Variants in BEND2 observed in about 807,000 individuals in gnomAD.
BEND2 encodes the protein BEN domain-containing protein 2.
BEND2 carries 19 observed loss-of-function variants against 43.8 expected under a neutral mutation model. That is an observed-to-expected ratio of 0.43 (90% CI 0.30 to 0.64). The LOEUF (loss-of-function observed/expected upper bound fraction) is 0.64, where lower values mean the gene tolerates loss of function less well. BEND2 is among the 30% of genes least tolerant of loss of function. The pLI, the probability that BEND2 is intolerant of heterozygous loss-of-function variation, is 0.11. For missense variants in BEND2, 544 were observed against 574.0 expected, an observed-to-expected ratio of 0.95 and a Z score of 0.53; for synonymous variants, 226 against 210.1, an observed-to-expected ratio of 1.08 and a Z score of -0.66.
At chrX:18,218,185 T>C (rs1925734423) in intron 1 of BEND2, among the ~76,000 whole-genome samples, 1 of 110,581 alleles carries the variant, frequency 9.0e-6, no homozygotes, top group African/African-American at 3.3e-5. Flanking sequence ...GCTTGTGAAA[T>C]AAAGTTAAAT....
intron 8 of BEND2, among the ~76,000 whole-genome samples, chrX:18,189,413 G>A (rs908887986): frequency 1.8e-5 from 2 of 110,713 alleles, no homozygotes; most frequent in African/African-American, 6.6e-5. Flanking sequence ...GGGAGGCTGA[G>A]TTGGGAGGAT....
At chrX:18,171,305 G>A (rs774023183) in intron 12 of BEND2, 101 bp from the exon 13 acceptor site, 24 of 931,350 alleles carry the variant, frequency 2.6e-5, no homozygotes, top group Non-Finnish European at 3.2e-5. Context: ...CAATTGTTAG[G>A]CTCAAGAATT....
intron 1 of BEND2, among the ~76,000 whole-genome samples, chrX:18,220,378 A>G (rs764869236): frequency 8.9e-6 from 1 of 112,496 alleles, no homozygotes; most frequent in East Asian, 2.8e-4. Context: ...AACCAGGCCC[A>G]GCCTCTTGAC....
intron 4 of BEND2, among the ~76,000 whole-genome samples, chrX:18,208,619 T>G (rs1397274955): frequency 9.0e-6 from 1 of 111,543 alleles, no homozygotes; most frequent in Non-Finnish European, 1.9e-5. Flanking sequence ...TCCAGAGGAT[T>G]TCAGAAGTCT....
Position 18,195,262 on chromosome X carries a change from G to A in BEND2, c.1180+34C>T, listed in dbSNP as rs142741408. 2,015 of 1,174,987 alleles carry A rather than the reference G, an allele frequency of 1.7e-3. 18 individuals carry two copies. In the African/African-American group the frequency reaches 0.031, roughly 18 times the overall value. On this transcript the variant is annotated intron_variant, in intron 7 of 13. Transcript: ENST00000380033. ...AGAATGTTGATGAATCTAGATGAGA[G>A]GCCTGCTTGTGATATCCATTATTTC...
chrX:18,174,117 T>A lies in BEND2; in HGVS notation c.1894A>T (p.Arg632Trp), dbSNP rs1390776608. 3 of 1,209,990 alleles carry A rather than the reference T, an allele frequency of 2.5e-6. No individual in the cohort carries two copies. The highest frequency in any genetic ancestry group is 3.4e-6 in the Non-Finnish European group (3 of 895,034). The change falls in exon 12 of 14, where the codon AGG (arginine) becomes TGG (tryptophan). Residue 632 changes from arginine (R) to tryptophan (W), a missense_variant. Arg to Trp is a moderately radical substitution (Grantham distance 101). Coordinates refer to ENST00000380033, the MANE Select transcript of BEND2 (RefSeq NM_153346.5). ...PMNNSKMREKRNLQPNSNAIP... is the reference protein window; with the variant it reads ...PMNNSKMREKWNLQPNSNAIP... ...GCATTACTGTTTGGCTGCAAGTTCCTCTTTTCTCTCATTTTGGAGTTATTC... is the reference window on the plus strand; with the variant it reads ...GCATTACTGTTTGGCTGCAAGTTCCACTTTTCTCTCATTTTGGAGTTATTC...
chrX:18,193,446 C>T (rs1924842843), intron 7 of BEND2, among the ~76,000 whole-genome samples: 1 of 111,741 alleles, frequency 8.9e-6, no homozygotes, highest in Non-Finnish European at 1.9e-5. Flanking sequence ...CGTGACAAAA[C>T]TAGGTAGAAC....
intron 1 of BEND2, among the ~76,000 whole-genome samples, chrX:18,219,438 T>C (rs139152122): frequency 2.5e-3 from 282 of 112,910 alleles, no homozygotes; most frequent in African/African-American, 6.1e-3. Context: ...TCCGCCTCTG[T>C]TCCCAACACC....
At position 18,174,218 on chromosome X, in the gene BEND2, G is replaced by C; in HGVS notation, c.1793C>G (p.Ala598Gly). The C allele has an allele frequency of 8.3e-7, 1 of 1,211,527 alleles. No individual in the cohort carries two copies. Among genetic ancestry groups the C allele is most frequent in the Non-Finnish European group, 1.1e-6 (1 of 895,411 alleles). ...GTCATTTCTATCTGCAGATGCCGAT[G>C]CAACACGGTTGGTACGTTTTTTATT... Reference protein sequence around the residue: ...RKNKKRTNRVASASADRNDQR... With the variant: ...RKNKKRTNRVGSASADRNDQR... The change falls in exon 12 of 14, where the codon GCA (alanine) becomes GGA (glycine). Residue 598 changes from alanine to glycine, a missense_variant. Ala to Gly is a moderately conservative substitution (Grantham distance 60). Transcript: ENST00000380033.
intron 2 of BEND2, among the ~76,000 whole-genome samples, chrX:18,216,315 G>T (rs1206781625): frequency 9.1e-6 from 1 of 110,182 alleles, no homozygotes; most frequent in Non-Finnish European, 1.9e-5. Context: ...TGCTTCCTGG[G>T]ACTGTCTCAC....
At chrX:18,210,778 G>A (rs1266069519) in intron 4 of BEND2, among the ~76,000 whole-genome samples, 2 of 110,922 alleles carry the variant, frequency 1.8e-5, no homozygotes, top group African/African-American at 3.3e-5. Context: ...AGTAAGGCAG[G>A]GTATAAATAA....
In BEND2 at chrX:18,212,677, G is replaced by A. The variant is rs1925551108; in HGVS notation, c.380C>T (p.Ala127Val). The change falls in exon 4 of 14, where the codon GCC becomes GTC. Residue 127 changes from alanine to valine, a missense_variant. By Grantham distance (64) the Ala-to-Val change is moderately conservative. Around this residue, in one of 2 missense-constraint regions of BEND2, gnomAD observed 501 missense variants for 501.6 expected, o/e 1.00. Coordinates refer to ENST00000380033, the MANE Select transcript of BEND2 (RefSeq NM_153346.5). The stretch of plus-strand genomic sequence containing the variant: ...CTGTGAAACTATTTGGTCACCATGG[G>A]CTACTGTGAAGCAATGCATTAAAAA... The part of the protein sequence containing the change: ...DDRRTPPCPV[A>V]HGDQIVSQIN... 8.5e-7 allele frequency: 1 copy of A among 1,176,982 alleles called. No homozygotes were observed. Among genetic ancestry groups the A allele is most frequent in the East Asian group, 3.0e-5 (1 of 33,642 alleles).
chrX:18,164,896 G>T lies in BEND2; in HGVS notation c.*113C>A. 1 of 775,579 alleles carries T rather than the reference G, an allele frequency of 1.3e-6. No individual in the cohort carries two copies. Among genetic ancestry groups the T allele is most frequent in the Non-Finnish European group, 1.8e-6 (1 of 541,431 alleles). 63.9% of individuals were successfully genotyped at this position (775,579 alleles called of 1,213,427 possible). A position where few individuals can be genotyped will look rare whatever the true frequency, so the allele number is the denominator to read the frequency against. ...AAGAGGTTTGGCGATTACTACAGGT[G>T]TCAATGCAAACTACTCTGCCAGTAC... On this transcript the variant is annotated 3_prime_UTR_variant, in exon 14 of 14. Transcript: ENST00000380033.
At chrX:18,173,993 A>G (rs1243363974) in intron 12 of BEND2, 37 bp downstream of exon 12, 4 of 1,101,098 alleles carry the variant, frequency 3.6e-6, no homozygotes, top group Admixed American at 4.7e-5. Flanking sequence ...TATCAGCAAG[A>G]GAACTTATTT....
intron 12 of BEND2, among the ~76,000 whole-genome samples, chrX:18,172,412 G>A (rs192977852): frequency 1.4e-3 from 159 of 111,490 alleles, no homozygotes; most frequent in Non-Finnish European, 2.1e-3. Context: ...TATCTGAATG[G>A]GCTGGTGCAG....
intron 1 of BEND2, among the ~76,000 whole-genome samples, chrX:18,220,353 C>T (rs1322485062): frequency 1.8e-5 from 2 of 112,602 alleles, no homozygotes; most frequent in Non-Finnish European, 1.9e-5. Context: ...CGGAAAGAAC[C>T]GCGGGCCAGA....
At chrX:18,200,678 C>G (rs1238187980) in intron 6 of BEND2, among the ~76,000 whole-genome samples, 4 of 110,532 alleles carry the variant, frequency 3.6e-5, no homozygotes, top group Non-Finnish European at 7.6e-5. Flanking sequence ...AAACAGAGAA[C>G]AGATCAGTAG....
chrX:18,181,214 A>C (rs941900531), intron 8 of BEND2, among the ~76,000 whole-genome samples: 2 of 111,824 alleles, frequency 1.8e-5, no homozygotes, highest in Non-Finnish European at 3.8e-5. Context: ...AATTACTATC[A>C]TTGTAATTAT....
chrX:18,190,766 T>TCTCTCTCA (rs1439593746), intron 8 of BEND2, among the ~76,000 whole-genome samples: 76 of 93,011 alleles, frequency 8.2e-4, no homozygotes, highest in African/African-American at 2.9e-3. Flanking sequence ...TCTCTCTCTC[T>TCTCTCTCA]CACACACACA....
Sources: allele counts gnomAD v4.1 joint callset (sites outside exome capture counted in the v4.1 genomes callset), GRCh38; gene constraint gnomAD v4.1.1; regional missense constraint gnomAD v4.1.1; transcripts MANE v1.5; gene names NCBI Gene and HGNC (gene_info 2026-07-23, HGNC 2026-07-21).